CDK14: variants seen among roughly 807,000 people sequenced by gnomAD.
CDK14 encodes cyclin-dependent kinase 14.
A neutral mutation model predicts 60.7 loss-of-function variants in CDK14; 34 were observed. The observed-to-expected ratio is 0.56, with a 90% CI of 0.43 to 0.75. The LOEUF is 0.75. Ranked by LOEUF, CDK14 falls within the 30% of genes least tolerant of loss-of-function variation. The pLI, the probability that CDK14 is intolerant of heterozygous loss-of-function variation, is 0.00. For synonymous variants in CDK14, 197 were observed against 203.7 expected, an observed-to-expected ratio of 0.97 and a Z score of 0.28; for missense variants, 482 against 564.1, an observed-to-expected ratio of 0.85 and a Z score of 1.47.
intron 10 of CDK14, among the ~76,000 whole-genome samples, chr7:91,017,467 T>A (rs1317301671): frequency 4.6e-5 from 7 of 152,232 alleles, no homozygotes. Context: ...TCCTAATAAT[T>A]TTTAAAGTTG....
In CDK14 at chr7:91,169,836, G is replaced by A. The variant is rs550879815; in HGVS notation, c.*29-37329G>A. ...GAGGGAGGCTTTAGGCATGACTACC[G>A]TCCTAAGTATAAAGTTGGTTAAAAA... On this transcript the variant is annotated intron_variant, in intron 14 of 14. Transcript: ENST00000380050. 3.5e-4 allele frequency among the ~76,000 whole-genome samples: 54 copies of A among 152,284 alleles called. 1 individual carries two copies. The East Asian group carries it at 9.6e-3, about 27-fold the overall frequency.
chr7:90,639,152 A>G (rs1012410729), intron 2 of CDK14, among the ~76,000 whole-genome samples: 1 of 152,140 alleles, frequency 6.6e-6, no homozygotes, highest in Non-Finnish European at 1.5e-5. Flanking sequence ...TTCTCCTTCC[A>G]GCTTTGATCT....
chr7:91,126,920 G>A, intron 14 of CDK14, among the ~76,000 whole-genome samples: 1 of 151,904 alleles, frequency 6.6e-6, no homozygotes, highest in East Asian at 1.9e-4. Flanking sequence ...TAGAGGATTC[G>A]ATCAGATGAG....
Position 90,798,022 on chromosome 7 carries a change from G to A in CDK14, c.544+7370G>A, listed in dbSNP as rs193162804. On this transcript the variant is annotated intron_variant, in intron 5 of 14. Coordinates refer to ENST00000380050, the MANE Select transcript of CDK14 (RefSeq NM_001287135.2). ...GCCATCTCTTAAGAACTACTTTGGC[G>A]TTGTGGTTTTGATTTCCCAAAGAAT... 5.1e-4 allele frequency among the ~76,000 whole-genome samples: 78 copies of A among 152,046 alleles called. 1 individual carries two copies. The highest frequency in any genetic ancestry group is 1.5e-3 in the African/African-American group (64 of 41,352).
chr7:90,962,257 C>T (rs895547255), intron 9 of CDK14, among the ~76,000 whole-genome samples: 3 of 152,044 alleles, frequency 2.0e-5, no homozygotes, highest in Non-Finnish European at 2.9e-5. Context: ...GAGGCCAAGG[C>T]GGGTGGATCA....
chr7:90,708,870 C>T (rs982947143), intron 2 of CDK14, among the ~76,000 whole-genome samples: 1 of 152,072 alleles, frequency 6.6e-6, no homozygotes, highest in African/African-American at 2.4e-5. Context: ...AATTTATGTC[C>T]TTTTGTGATT....
At chr7:90,639,965 C>G (rs192579494) in intron 2 of CDK14, among the ~76,000 whole-genome samples, 7 of 152,100 alleles carry the variant, frequency 4.6e-5, no homozygotes, top group Non-Finnish European at 1.0e-4. Flanking sequence ...TTTTTAAGCC[C>G]GTAGGAAAAG....
intron 2 of CDK14, among the ~76,000 whole-genome samples, chr7:90,651,253 C>A (rs1405746941): frequency 6.6e-6 from 1 of 152,096 alleles, no homozygotes; most frequent in Non-Finnish European, 1.5e-5. Flanking sequence ...ATTTGTCTAG[C>A]CTATAGTTTC....
At chr7:90,951,028 A>G (rs1013041482) in intron 8 of CDK14, among the ~76,000 whole-genome samples, 1 of 152,206 alleles carries the variant, frequency 6.6e-6, no homozygotes, top group African/African-American at 2.4e-5. Context: ...TTAAAAAATT[A>G]TATCAAAAAT....
intron 2 of CDK14, among the ~76,000 whole-genome samples, chr7:90,630,434 T>A (rs1309858021): frequency 6.6e-6 from 1 of 152,228 alleles, no homozygotes; most frequent in Non-Finnish European, 1.5e-5. Context: ...TATGATAATA[T>A]AATCTTATGG....
In CDK14 at chr7:91,147,271, CT is replaced by C. The variant is rs796470730; in HGVS notation, c.*28+29072del. 2.0e-3 allele frequency among the ~76,000 whole-genome samples: 296 copies of C among 148,906 alleles called. 2 individuals carry two copies. The highest frequency in any genetic ancestry group is 6.8e-3 in the African/African-American group (276 of 40,484). On this transcript the variant is annotated intron_variant, in intron 14 of 14. Transcript: ENST00000380050. ...GGCAGATGTGTCCTGCAAGATTTGC[CT>C]TTTTTTTTCTTTTTTGAGTGTACTC...
intron 5 of CDK14, among the ~76,000 whole-genome samples, chr7:90,847,031 T>G (rs376669082): frequency 2.8e-4 from 42 of 152,306 alleles, no homozygotes; most frequent in African/African-American, 9.9e-4. Context: ...GCAAGAATAC[T>G]TATTTATTTT....
At chr7:90,693,499 T>C (rs6465280) in intron 2 of CDK14, among the ~76,000 whole-genome samples, 124,670 of 152,168 alleles carry the variant, frequency 0.82, 51,195 homozygotes, top group Non-Finnish European at 0.84. Context: ...TTGCCTTTCC[T>C]TGTAATACCA....
chr7:90,675,433 C>T (rs1285220172), intron 2 of CDK14, among the ~76,000 whole-genome samples: 2 of 151,448 alleles, frequency 1.3e-5, no homozygotes, highest in East Asian at 3.9e-4. Flanking sequence ...TGTCATAGAT[C>T]ATGTAGAGCT....
At chr7:90,838,486 A>G (rs1386360134) in intron 5 of CDK14, among the ~76,000 whole-genome samples, 1 of 152,192 alleles carries the variant, frequency 6.6e-6, no homozygotes, top group East Asian at 1.9e-4. Context: ...GGGGTCAGGC[A>G]GAATAGAGCC....
intron 9 of CDK14, among the ~76,000 whole-genome samples, chr7:90,969,214 T>G (rs1171232597): frequency 6.6e-6 from 1 of 152,192 alleles, no homozygotes; most frequent in Non-Finnish European, 1.5e-5. Flanking sequence ...TATTTTACTG[T>G]AAAATATCAA....
intron 11 of CDK14, among the ~76,000 whole-genome samples, chr7:91,065,635 GA>G (rs1275324010): frequency 6.6e-6 from 1 of 152,166 alleles, no homozygotes; most frequent in East Asian, 1.9e-4. Flanking sequence ...ACAGATATAA[GA>G]AAGTAAAGTG....
At chr7:91,114,410 A>G (rs1799551342) in intron 13 of CDK14, among the ~76,000 whole-genome samples, 1 of 152,206 alleles carries the variant, frequency 6.6e-6, no homozygotes. Flanking sequence ...ACAAGCACAA[A>G]GTATGCAGAA....
chr7:91,175,362 A>G (rs1248647304), intron 14 of CDK14, among the ~76,000 whole-genome samples: 1 of 152,160 alleles, frequency 6.6e-6, no homozygotes, highest in East Asian at 1.9e-4. Flanking sequence ...TCATGCCAAA[A>G]TGTAAAGACC....
Sources: allele counts gnomAD v4.1 joint callset (sites outside exome capture counted in the v4.1 genomes callset), GRCh38; gene constraint gnomAD v4.1.1; transcripts MANE v1.5; gene names NCBI Gene and HGNC (gene_info 2026-07-23, HGNC 2026-07-21).